Variants in PDE4D observed in about 807,000 individuals in gnomAD.
The protein encoded by PDE4D is 3',5'-cyclic-AMP phosphodiesterase 4D.
In PDE4D, 24 loss-of-function variants were observed where a neutral mutation model predicts 87.4. The observed-to-expected ratio is 0.27, with a 90% CI of 0.20 to 0.39. The LOEUF (loss-of-function observed/expected upper bound fraction) is 0.39. PDE4D is among the 10% of genes least tolerant of loss of function. PDE4D has a pLI of 1.00. For missense variants in PDE4D, 714 were observed against 1,041.0 expected (o/e 0.69, Z 4.32); for synonymous variants, 384 against 383.2 (o/e 1.00, Z -0.02).
At chr5:60,138,017 C>T (rs1428201013) in intron 2 of PDE4D, among the ~76,000 whole-genome samples, 2 of 152,046 alleles carry the variant, frequency 1.3e-5, no homozygotes, top group East Asian at 3.9e-4. Context: ...AGCCCGTTGT[C>T]CCAGCACCAT....
intron 1 of PDE4D, among the ~76,000 whole-genome samples, chr5:59,559,564 C>T (rs566235681): frequency 2.0e-5 from 3 of 152,264 alleles, no homozygotes; most frequent in African/African-American, 4.8e-5. Flanking sequence ...GCGTGAATGA[C>T]GCTGGTTGTT....
chr5:59,631,338 C>G (rs984566751), intron 1 of PDE4D, among the ~76,000 whole-genome samples: 3 of 152,148 alleles, frequency 2.0e-5, no homozygotes, highest in African/African-American at 7.2e-5. Flanking sequence ...CCTTATGCCC[C>G]TGCCAACAGT....
intron 1 of PDE4D, among the ~76,000 whole-genome samples, chr5:60,396,828 G>T (rs1044462281): frequency 6.6e-6 from 1 of 152,174 alleles, no homozygotes. Flanking sequence ...TGACTTGCTG[G>T]CCGACTTATC....
chr5:59,066,266 G>A (rs911030592), intron 5 of PDE4D, among the ~76,000 whole-genome samples: 3 of 152,090 alleles, frequency 2.0e-5, no homozygotes, highest in Non-Finnish European at 2.9e-5. Context: ...GCACATGCAG[G>A]AACACAGAGA....
chr5:60,064,832 C>T (rs927634932), intron 2 of PDE4D, among the ~76,000 whole-genome samples: 2 of 152,038 alleles, frequency 1.3e-5, no homozygotes, highest in Non-Finnish European at 2.9e-5. Flanking sequence ...CAGGCCATAT[C>T]GGGGTTAGAT....
In PDE4D at chr5:59,574,093, T is replaced by A. The variant is rs1226197946; in HGVS notation, c.455+319075A>T. Among the ~76,000 whole-genome samples the A allele has an allele frequency of 0.049, 418 of 8,506 alleles. 6 individuals are homozygous for A. The Middle Eastern group carries it at 0.5, about 10-fold the overall frequency. 5.6% of individuals were successfully genotyped at this position (8,506 alleles called of 152,430 possible). Reference sequence around the variant, plus strand: ...ATATTTATATATATATTTATATATATAAATATATATTTATATATATATATA... The same window carrying A: ...ATATTTATATATATATTTATATATAAAAATATATATTTATATATATATATA... On this transcript the variant is annotated intron_variant, in intron 1 of 14. Coordinates refer to ENST00000340635, the MANE Select transcript of PDE4D (RefSeq NM_001104631.2).
At chr5:59,183,330 T>A (rs1742106643) in intron 4 of PDE4D, among the ~76,000 whole-genome samples, 1 of 152,158 alleles carries the variant, frequency 6.6e-6, no homozygotes, top group Non-Finnish European at 1.5e-5. Context: ...GCTCAAGCTA[T>A]GATTTTCTGT....
chr5:60,039,545 C>G (rs756185459), intron 2 of PDE4D, among the ~76,000 whole-genome samples: 1 of 151,510 alleles, frequency 6.6e-6, no homozygotes, highest in Non-Finnish European at 1.5e-5. Context: ...TGTAACTAAC[C>G]TGCACATTGT....
At chr5:59,933,481 C>T (rs1011123748) in intron 3 of PDE4D, among the ~76,000 whole-genome samples, 14 of 152,136 alleles carry the variant, frequency 9.2e-5, no homozygotes, top group Middle Eastern at 3.2e-3. Flanking sequence ...ATTCAACAGA[C>T]ATTTTAAACT....
At chr5:60,128,304 G>A (rs1306774358) in intron 2 of PDE4D, among the ~76,000 whole-genome samples, 2 of 152,330 alleles carry the variant, frequency 1.3e-5, no homozygotes, top group Non-Finnish European at 1.5e-5. Flanking sequence ...AAAAGAAATT[G>A]ATTTGGATAG....
intron 1 of PDE4D, among the ~76,000 whole-genome samples, chr5:60,220,371 C>T (rs1248771424): frequency 6.6e-6 from 1 of 152,184 alleles, no homozygotes; most frequent in African/African-American, 2.4e-5. Context: ...TCTGTTTCAT[C>T]TCTAATGGCA....
chr5:60,304,705 C>A (rs1754314351), intron 1 of PDE4D, among the ~76,000 whole-genome samples: 1 of 145,324 alleles, frequency 6.9e-6, no homozygotes, highest in Non-Finnish European at 1.5e-5. Context: ...GAACAGAGCA[C>A]AGAGGAGCAA....
intron 1 of PDE4D, among the ~76,000 whole-genome samples, chr5:59,661,387 C>A (rs984877092): frequency 2.6e-5 from 4 of 152,066 alleles, no homozygotes; most frequent in Admixed American, 2.6e-4. Context: ...CATTAGGATG[C>A]TAATTTACAC....
At chr5:59,194,471 ACC>A (rs757125976) in intron 2 of PDE4D, among the ~76,000 whole-genome samples, 3,254 of 152,220 alleles carry the variant, frequency 0.021, 46 homozygotes, top group Non-Finnish European at 0.034. Flanking sequence ...CCAAAACAAC[ACC>A]CATGAAACAT....
intron 1 of PDE4D, among the ~76,000 whole-genome samples, chr5:59,845,155 A>T (rs780643746): frequency 1.5e-4 from 23 of 152,092 alleles, no homozygotes; most frequent in Non-Finnish European, 2.9e-4. Context: ...ACCTGATGTC[A>T]GCCTCTTGAG....
chr5:60,438,997 G>C (rs1744983474), intron 1 of PDE4D, among the ~76,000 whole-genome samples: 1 of 152,090 alleles, frequency 6.6e-6, no homozygotes, highest in Non-Finnish European at 1.5e-5. Flanking sequence ...GTTGGAGATA[G>C]GAAAAGGTTG....
At chr5:60,220,951 C>T (rs919859436) in intron 1 of PDE4D, among the ~76,000 whole-genome samples, 1 of 152,000 alleles carries the variant, frequency 6.6e-6, no homozygotes, top group Admixed American at 6.6e-5. Context: ...GAAACCCTAG[C>T]CCAAGGAAAT....
chr5:59,687,381 C>T (rs989140647), intron 1 of PDE4D, among the ~76,000 whole-genome samples: 3 of 152,120 alleles, frequency 2.0e-5, no homozygotes, highest in African/African-American at 7.2e-5. Flanking sequence ...GCTGATCCCT[C>T]GGCAGAAACT....
intron 1 of PDE4D, among the ~76,000 whole-genome samples, chr5:59,643,943 G>A (rs1365108663): frequency 1.3e-5 from 2 of 152,144 alleles, no homozygotes; most frequent in Non-Finnish European, 2.9e-5. Context: ...ACCAACATTT[G>A]TAGAAGGTAT....
Sources: allele counts gnomAD v4.1 joint callset (sites outside exome capture counted in the v4.1 genomes callset), GRCh38; gene constraint gnomAD v4.1.1; transcripts MANE v1.5; gene names NCBI Gene and HGNC (gene_info 2026-07-23, HGNC 2026-07-21).